Variants in PKM observed in about 807,000 individuals in gnomAD.
PKM encodes the protein pyruvate kinase PKM.
In PKM, 18 loss-of-function variants were observed where a neutral mutation model predicts 49.8. The ratio of observed to expected loss-of-function variants is 0.36; its 90% CI spans 0.25 to 0.54. The LOEUF (loss-of-function observed/expected upper bound fraction) is 0.54, where lower values mean the gene tolerates loss of function less well. PKM is among the 20% of genes least tolerant of loss of function. The pLI, the probability that PKM is intolerant of heterozygous loss-of-function variation, is 0.89. For synonymous variants in PKM, 239 were observed against 261.8 expected (o/e 0.91, Z 0.84); for missense variants, 508 against 713.8 (o/e 0.71, Z 3.28).
intron 2 of PKM, among the ~76,000 whole-genome samples, chr15:72,218,588 T>TG (rs1345775694): frequency 1.1e-5 from 1 of 92,944 alleles, no homozygotes; most frequent in Admixed American, 1.1e-4. Flanking sequence ...CCCAGCTAAT[T>TG]TTTTTTTTTT....
At chr15:72,224,779 A>C (rs896804292) in intron 1 of PKM, among the ~76,000 whole-genome samples, 1 of 151,794 alleles carries the variant, frequency 6.6e-6, no homozygotes, top group Non-Finnish European at 1.5e-5. Flanking sequence ...GCTTGAATCC[A>C]GGAAGTGGAG....
At chr15:72,215,268 G>T (rs926744361) in intron 3 of PKM, among the ~76,000 whole-genome samples, 6 of 152,100 alleles carry the variant, frequency 3.9e-5, no homozygotes, top group Admixed American at 6.5e-5. Context: ...TGAGAGGGAA[G>T]ACAGTAATCT....
Position 72,200,453 on chromosome 15 carries a change from G to A in PKM, c.1489+21C>T, listed in dbSNP as rs748679822. On this transcript the variant is annotated intron_variant, in intron 10 of 10. Transcript: ENST00000335181. This position sits in a 1 kb window ranked among gnomAD's most constrained non-coding sequence, Gnocchi z 4.6. ...CATCCCCAAGCTCCTCTAGGCTCTA[G>A]CCCCTGCTCCAGCCACGTACCAACA... 1 of 1,610,804 alleles carries A rather than the reference G, an allele frequency of 6.2e-7. No individual in the cohort carries two copies. The highest frequency in any genetic ancestry group is 1.1e-5 in the South Asian group (1 of 90,950).
intron 1 of PKM, among the ~76,000 whole-genome samples, chr15:72,227,769 A>AAC (rs1567135655): frequency 1.6e-4 from 14 of 89,678 alleles, no homozygotes; most frequent in African/African-American, 6.0e-4. Context: ...AAAAAAAAAA[A>AAC]AAAAACAAAA....
Position 72,208,827 on chromosome 15 carries a change from G to A in PKM, c.630C>T (p.Asn210=). The A allele has an allele frequency of 1.2e-6, 2 of 1,614,070 alleles. No homozygotes were observed. The highest frequency in any genetic ancestry group is 2.2e-5 in the South Asian group (2 of 91,072). ...GGSLGSKKGV[N]LPGAAVDLPA... ...GCAAGTCCACAGCAGCCCCAGGAAG[G>A]TTCACACCCTTCTTGCTGCCCAAGG... Residue 210 remains asparagine (N), a synonymous_variant, in exon 6 of 11, where the codon AAC becomes AAT. Transcript: ENST00000335181.
chr15:72,207,277 C>G lies in PKM; in HGVS notation c.837G>C (p.Arg279Ser). 6.2e-7 allele frequency: 1 copy of G among 1,613,984 alleles called. No homozygotes were observed. Among genetic ancestry groups the G allele is most frequent in the East Asian group, 2.2e-5 (1 of 44,884 alleles). Reference protein sequence around the residue: ...SKIENHEGVRRFDEILEASDG... With the variant: ...SKIENHEGVRSFDEILEASDG... ...CACTGGCCTCCAGGATTTCATCAAA[C>G]CTGATGGACAAAGTTGGGGGGAGAG... Residue 279 changes from arginine to serine, a missense_variant and splice_region_variant, in exon 7 of 11, where the codon AGG becomes AGC. Coordinates refer to ENST00000335181, the MANE Select transcript of PKM (RefSeq NM_002654.6).
intron 1 of PKM, chr15:72,229,735 C>G (rs1023966153): frequency 4.3e-6 from 5 of 1,171,832 alleles, no homozygotes; most frequent in Non-Finnish European, 5.5e-6. Flanking sequence ...TGGGCTATGA[C>G]TCGTCTAGTC....
intron 3 of PKM, among the ~76,000 whole-genome samples, chr15:72,214,490 G>A (rs1332148021): frequency 6.6e-6 from 1 of 152,082 alleles, no homozygotes; most frequent in African/African-American, 2.4e-5. Flanking sequence ...CTACATTTAG[G>A]TTGTTTAAAA....
intron 3 of PKM, among the ~76,000 whole-genome samples, chr15:72,211,785 G>C (rs919617086): frequency 1.3e-5 from 2 of 148,432 alleles, no homozygotes; most frequent in Non-Finnish European, 3.0e-5. Flanking sequence ...CTCCGGCCTG[G>C]ATAACAAAGC....
rs34876633 is a variant in PKM at position 72,227,744 on chromosome 15, C to CAAAAAAAAAAAAAAAAAAAAAAAA, written c.-14+3348_-14+3371dup. ...CTGGGCAACAAGAGCAAAACTATCT[C>CAAAAAAAAAAAAAAAAAAAAAAAA]AAAAAAAAAAAAAAAAAAAAAAAAA... On this transcript the variant is annotated intron_variant, in intron 1 of 10. Coordinates refer to ENST00000335181, the MANE Select transcript of PKM (RefSeq NM_002654.6). 1.9e-4 allele frequency among the ~76,000 whole-genome samples: 2 copies of CAAAAAAAAAAAAAAAAAAAAAAAA among 10,808 alleles called. 1 individual carries two copies. Among genetic ancestry groups the CAAAAAAAAAAAAAAAAAAAAAAAA allele is most frequent in the Non-Finnish European group, 3.5e-4 (2 of 5,676 alleles). The allele number at this position is 10,808 out of a possible 152,430, so 7.1% of individuals were successfully genotyped here.
At chr15:72,222,366 G>C (rs945726294) in intron 1 of PKM, 4 of 152,048 alleles carry the variant, frequency 2.6e-5, no homozygotes, top group African/African-American at 4.8e-5. Context: ...TCCCTTGCAG[G>C]GAGGGCCAGA....
chr15:72,220,674 C>T (rs2082498340), intron 1 of PKM, among the ~76,000 whole-genome samples: 1 of 152,192 alleles, frequency 6.6e-6, no homozygotes, highest in African/African-American at 2.4e-5. Flanking sequence ...CCTTCCAGGA[C>T]CTATATGGTT....
chr15:72,199,828 TAGCCTGA>T (rs2081894465), intron 10 of PKM, 72 bp from the exon 11 acceptor site: 1 of 927,270 alleles, frequency 1.1e-6, no homozygotes, highest in Admixed American at 1.9e-5. Flanking sequence ...AGCTGCCCCA[TAGCCTGA>T]GTACTGAACT....
In PKM at chr15:72,202,551, T is replaced by C. The variant is rs1030588233; in HGVS notation, c.1210A>G (p.Ile404Val). ...LFEELRRLAP[I>V]TSDPTEATAV... ...GTGGCTTCTGTGGGGTCGCTGGTAA[T>C]GGGCGCCAGGCGGCGGAGTTCCTCA... The change falls in exon 9 of 11, where the codon ATT (isoleucine) becomes GTT (valine). Residue 404 changes from isoleucine (I) to valine (V), a missense_variant. Physicochemically the swap from Ile to Val is conservative, Grantham distance 29. Transcript: ENST00000335181. This position sits in a 1 kb window ranked among gnomAD's most constrained non-coding sequence, Gnocchi z 4.5. The C allele has an allele frequency of 1.9e-6, 3 of 1,613,548 alleles. No homozygotes were observed. Among genetic ancestry groups the C allele is most frequent in the Non-Finnish European group, 2.5e-6 (3 of 1,179,908 alleles).
intron 4 of PKM, 69 bp from the exon 5 acceptor site, chr15:72,209,928 G>C (rs541736247): frequency 7.6e-7 from 1 of 1,318,012 alleles, no homozygotes; most frequent in South Asian, 1.2e-5. Flanking sequence ...CAGAAGGAAT[G>C]GAAAAGCTCT....
At chr15:72,214,712 T>C (rs139388329) in intron 3 of PKM, among the ~76,000 whole-genome samples, 1 of 152,086 alleles carries the variant, frequency 6.6e-6, no homozygotes, top group Non-Finnish European at 1.5e-5. Context: ...GAAGAATCTC[T>C]TGAACCCAGG....
In PKM at chr15:72,208,946, G is replaced by A. The variant is rs1596744306; in HGVS notation, c.566-55C>T. The stretch of plus-strand genomic sequence containing the variant: ...AGAGCACGAGGGCACAGGTCAACAG[G>A]AAGCAGGCACCTTTCCCGCAAGGAC... On this transcript the variant is annotated intron_variant, in intron 5 of 10. Coordinates refer to ENST00000335181, the MANE Select transcript of PKM (RefSeq NM_002654.6). The A allele has an allele frequency of 1.9e-6, 3 of 1,568,128 alleles. No individual in the cohort carries two copies. In the East Asian group the frequency reaches 7.0e-5, roughly 36 times the overall value.
intron 1 of PKM, chr15:72,229,446 C>T: frequency 1.6e-6 from 1 of 628,222 alleles, no homozygotes; most frequent in Non-Finnish European, 2.5e-6. Flanking sequence ...TGTCTCTCTC[C>T]ACGTGGACCT....
intron 8 of PKM, chr15:72,203,201 G>A (rs760294795): frequency 4.3e-6 from 7 of 1,612,546 alleles, no homozygotes; most frequent in South Asian, 3.3e-5. Flanking sequence ...GTAAGGTTTA[G>A]GGGAAGAGGG....
Sources: gnomAD v4.1 joint callset for allele counts (sites outside exome capture counted in the v4.1 genomes callset) on GRCh38, gnomAD v4.1.1 for gene constraint, Gnocchi (gnomAD v3.1) non-coding constraint, MANE v1.5 for transcripts, NCBI Gene and HGNC (gene_info 2026-07-23, HGNC 2026-07-21) for gene names.